Variants in ZNF107 observed in about 807,000 individuals in gnomAD.
ZNF107 encodes C2H2 type zinc-finger protein.
In ZNF107, 19 loss-of-function variants were observed where a neutral mutation model predicts 12.3. That is an observed-to-expected ratio of 1.55 (90% CI 1.08 to 2.27). The LOEUF (loss-of-function observed/expected upper bound fraction) is 2.27. Ranked by LOEUF, ZNF107 falls within the 30% of genes most tolerant of loss-of-function variation. ZNF107 has a pLI of 0.00. For missense variants in ZNF107, 958 were observed against 979.9 expected, an observed-to-expected ratio of 0.98 and a Z score of 0.30; for synonymous variants, 317 against 330.5, an observed-to-expected ratio of 0.96 and a Z score of 0.44.
At position 64,707,964 on chromosome 7, in the gene ZNF107, TG is replaced by T. The variant is rs753722577; in HGVS notation, c.1868del (p.Cys623LeufsTer19). The T allele has an allele frequency of 1.9e-6, 3 of 1,613,624 alleles. No individual in the cohort carries two copies. The highest frequency in any genetic ancestry group is 3.3e-5 in the Admixed American group (2 of 59,970). On this transcript the variant is annotated frameshift_variant, in exon 4 of 4. Transcript: ENST00000620827. LOFTEE classifies it low-confidence loss of function (END_TRUNC). ...TCATACTGGAGAGAAACCCTACAAA[TG>T]TGAAGAACATGGCAAAGTTTTTAAC... ...IIHTGEKPYKCEEHGKVFNQS... is the reference protein window; with the variant it reads ...IIHTGEKPYKXEEHGKVFNQS...
intron 3 of ZNF107, among the ~76,000 whole-genome samples, chr7:64,701,898 TTTC>T (rs1790488945): frequency 6.6e-6 from 1 of 152,068 alleles, no homozygotes; most frequent in Non-Finnish European, 1.5e-5. Flanking sequence ...TGGGATTACA[TTTC>T]TTCTTATTAA....
rs754879638 is a variant in ZNF107 at position 64,708,234 on chromosome 7, G to A, written c.2137G>A (p.Ala713Thr). The A allele has an allele frequency of 5.6e-6, 9 of 1,613,364 alleles. No individual in the cohort carries two copies. Among genetic ancestry groups the A allele is most frequent in the Non-Finnish European group, 7.6e-6 (9 of 1,179,756 alleles). Residue 713 changes from alanine to threonine, a missense_variant, in exon 4 of 4, where the codon GCC becomes ACC. By Grantham distance (58) the Ala-to-Thr change is moderately conservative (BLOSUM62 0). Coordinates refer to ENST00000620827, the MANE Select transcript of ZNF107 (RefSeq NM_001282359.2). ...KPYQCAECGK[A>T]FNCSSTLNRH... ...TTACCAATGTGCAGAATGTGGCAAA[G>A]CCTTTAACTGCTCCTCAACCCTTAA... is the stretch of plus-strand genomic sequence containing the variant.
At chr7:64,685,375 C>T (rs190492453) in intron 1 of ZNF107, among the ~76,000 whole-genome samples, 102 of 152,272 alleles carry the variant, frequency 6.7e-4, no homozygotes, top group Admixed American at 5.1e-3. Context: ...ACAGCCTGTC[C>T]GCTTCTCAAA....
chr7:64,706,984 A>C lies in ZNF107; in HGVS notation c.887A>C (p.Gln296Pro), dbSNP rs544803482. ...KYEECGKVFS[Q>P]SSHLTTQKIL... ...GAAGAATGTGGCAAAGTCTTTAGCC[A>C]GTCCTCACACCTTACTACACAAAAG... Residue 296 changes from glutamine to proline, a missense_variant, in exon 4 of 4, where the codon CAG (glutamine) becomes CCG (proline). By Grantham distance (76) the Gln-to-Pro change is moderately conservative (BLOSUM62 -1). Transcript: ENST00000620827. The C allele has an allele frequency of 2.5e-6, 4 of 1,613,556 alleles. No individual in the cohort carries two copies. The East Asian group carries it at 8.9e-5, about 36-fold the overall frequency.
intron 1 of ZNF107, chr7:64,689,845 G>A (rs1020945087): frequency 2.0e-5 from 3 of 152,174 alleles, no homozygotes; most frequent in African/African-American, 7.2e-5. Flanking sequence ...GACATCCTGT[G>A]TTTGCTCCTC....
chr7:64,702,661 G>A lies in ZNF107; in HGVS notation c.227-3663G>A, dbSNP rs539112562. ...CAACCTCTGCCTCCCAGATTCAAGC[G>A]ATTCTCCTGCCTCAGCCTCCGGAGT... On this transcript the variant is annotated intron_variant, in intron 3 of 3. Transcript: ENST00000620827. Among the ~76,000 whole-genome samples, 9 of 151,984 alleles carry A rather than the reference G, an allele frequency of 5.9e-5. No individual in the cohort carries two copies. In the East Asian group the frequency reaches 7.7e-4, roughly 13 times the overall value.
intron 3 of ZNF107, among the ~76,000 whole-genome samples, chr7:64,695,644 G>A (rs529349515): frequency 3.9e-5 from 6 of 152,188 alleles, no homozygotes; most frequent in South Asian, 2.1e-4. Flanking sequence ...ATATATGTGC[G>A]TGTTTTATAT....
In ZNF107 at chr7:64,707,090, T is replaced by C; in HGVS notation, c.993T>C (p.His331=). 1 of 1,612,500 alleles carries C rather than the reference T, an allele frequency of 6.2e-7. No individual in the cohort carries two copies. The highest frequency in any genetic ancestry group is 8.5e-7 in the Non-Finnish European group (1 of 1,179,478). Residue 331 remains histidine (H), a synonymous_variant, in exon 4 of 4, where the codon CAT becomes CAC. Transcript: ENST00000620827. ...AFNLFSNLTN[H]KRIHAGEKPY... ...ACCTATTCTCAAATCTTACTAACCATAAGAGAATTCATGCTGGGGAGAAAC... is the reference window on the plus strand; with the variant it reads ...ACCTATTCTCAAATCTTACTAACCACAAGAGAATTCATGCTGGGGAGAAAC...
At position 64,709,743 on chromosome 7, in the gene ZNF107, T is replaced by G. The variant is rs1458901867; in HGVS notation, c.*1087T>G. On this transcript the variant is annotated 3_prime_UTR_variant, in exon 4 of 4. Transcript: ENST00000620827. ...AAGCCATTATTATCTGCTCAGATTT[T>G]ACTCAACATTAGAGAGTTAGTACGT... The G allele has an allele frequency of 2.2e-6, 1 of 455,594 alleles. No individual in the cohort carries two copies. 28.2% of individuals were successfully genotyped at this position (455,594 alleles called of 1,614,324 possible). A position where few individuals can be genotyped will look rare whatever the true frequency, so the allele number is the denominator to read the frequency against.
At chr7:64,680,005 T>C (rs570202927) in intron 1 of ZNF107, among the ~76,000 whole-genome samples, 1 of 151,988 alleles carries the variant, frequency 6.6e-6, no homozygotes, top group East Asian at 2.0e-4. Context: ...CCGATATTTC[T>C]CCTCCCTGCC....
At chr7:64,677,820 C>G in intron 1 of ZNF107, among the ~76,000 whole-genome samples, 1 of 143,650 alleles carries the variant, frequency 7.0e-6, no homozygotes, top group African/African-American at 2.6e-5. Context: ...CCACTGCACT[C>G]CAGCCTGGGC....
rs927789457 is a variant in ZNF107 at position 64,691,873 on chromosome 7, G to A, written c.139G>A (p.Val47Ile). The change falls in exon 3 of 4, where the codon GTC becomes ATC. Residue 47 changes from valine to isoleucine, a missense_variant. Coordinates refer to ENST00000620827, the MANE Select transcript of ZNF107 (RefSeq NM_001282359.2). ...YRNLVFLGIA[V>I]SKPYLITCLE... ...TATTTTCAATAAAACAGGTATTGCT[G>A]TCTCTAAGCCATATCTGATCACCTG... is the stretch of plus-strand genomic sequence containing the variant. 3 of 1,445,376 alleles carry A rather than the reference G, an allele frequency of 2.1e-6. No homozygotes were observed. The highest frequency in any genetic ancestry group is 5.4e-5 in the Admixed American group (2 of 37,068). The allele number at this position is 1,445,376 out of a possible 1,614,324, so 89.5% of individuals were successfully genotyped here. A position where few individuals can be genotyped will look rare whatever the true frequency, so the allele number is the denominator to read the frequency against.
chr7:64,682,987 A>C (rs1252293679), intron 1 of ZNF107, among the ~76,000 whole-genome samples: 1 of 152,030 alleles, frequency 6.6e-6, no homozygotes, highest in Non-Finnish European at 1.5e-5. Flanking sequence ...AACCCAGATC[A>C]CACTTGGTTT....
At position 64,666,201 on chromosome 7, in the gene ZNF107, A is replaced by G; in HGVS notation, c.-82A>G. On this transcript the variant is annotated 5_prime_UTR_variant, in exon 1 of 4. Coordinates refer to ENST00000620827, the MANE Select transcript of ZNF107 (RefSeq NM_001282359.2). ...ACTGCTCAGTGTCCTCTGCTCCTAG[A>G]GGCCCAGCCTCTGTGTCCCTGTGAC... 1 of 1,568,404 alleles carries G rather than the reference A, an allele frequency of 6.4e-7. No homozygotes were observed. The highest frequency in any genetic ancestry group is 1.4e-5 in the African/African-American group (1 of 73,846).
intron 1 of ZNF107, among the ~76,000 whole-genome samples, chr7:64,671,158 A>G (rs1262911062): frequency 6.6e-6 from 1 of 152,174 alleles, no homozygotes; most frequent in Non-Finnish European, 1.5e-5. Flanking sequence ...TCCTGTACAC[A>G]GACTGTCACA....
intron 1 of ZNF107, chr7:64,669,068 G>C (rs899317465): frequency 7.0e-5 from 10 of 142,484 alleles, no homozygotes; most frequent in African/African-American, 1.6e-4. Flanking sequence ...CAGGCTGAAG[G>C]GCAGTGGTGC....
chr7:64,678,591 T>G (rs1176631677), intron 1 of ZNF107, among the ~76,000 whole-genome samples: 1 of 152,220 alleles, frequency 6.6e-6, no homozygotes, highest in African/African-American at 2.4e-5. Flanking sequence ...ATTCATACTT[T>G]CAAAACATAA....
At chr7:64,697,714 G>A (rs1172061997) in intron 3 of ZNF107, among the ~76,000 whole-genome samples, 22 of 146,544 alleles carry the variant, frequency 1.5e-4, no homozygotes, top group Admixed American at 4.1e-4. Flanking sequence ...TTTTTGAGAC[G>A]GAGTCTCGCT....
chr7:64,681,110 T>C (rs969981592), intron 1 of ZNF107, among the ~76,000 whole-genome samples: 9 of 152,270 alleles, frequency 5.9e-5, no homozygotes, highest in African/African-American at 2.2e-4. Context: ...CACAGCCCCC[T>C]GGCTGACTCC....
Sources: gnomAD v4.1 joint callset for allele counts (sites outside exome capture counted in the v4.1 genomes callset) on GRCh38, gnomAD v4.1.1 for gene constraint, MANE v1.5 for transcripts, NCBI Gene and HGNC (gene_info 2026-07-23, HGNC 2026-07-21) for gene names.